The following PTPRD variants were observed in gnomAD, a reference collection of about 807,000 sequenced individuals.
PTPRD encodes the protein protein tyrosine phosphatase receptor type D.
Under a neutral mutation model 214.5 loss-of-function variants are expected in PTPRD, and 34 were observed. The observed-to-expected ratio is 0.16, with a 90% confidence interval of 0.12 to 0.21. The LOEUF (loss-of-function observed/expected upper bound fraction) is 0.21. Ranked by LOEUF, PTPRD falls within the 10% of genes least tolerant of loss-of-function variation. PTPRD has a pLI of 1.00. For synonymous variants in PTPRD, 1,128 were observed against 845.7 expected (o/e 1.33, Z -5.79); for missense variants, 2,545 against 2,398.7 (o/e 1.06, Z -1.27).
At chr9:9,582,187 T>C (rs1257303217) in intron 7 of PTPRD, among the ~76,000 whole-genome samples, 1 of 152,150 alleles carries the variant, frequency 6.6e-6, no homozygotes, top group East Asian at 1.9e-4. Context: ...CATGACCACT[T>C]GGAATAAGAC....
intron 10 of PTPRD, among the ~76,000 whole-genome samples, chr9:9,152,351 C>T (rs937467619): frequency 2.0e-5 from 3 of 152,116 alleles, no homozygotes; most frequent in African/African-American, 7.2e-5. Flanking sequence ...GCCCTGTATA[C>T]CCAGGTAAAA....
intron 2 of PTPRD, among the ~76,000 whole-genome samples, chr9:10,437,334 C>G (rs2098726224): frequency 1.3e-5 from 2 of 151,824 alleles, no homozygotes; most frequent in Admixed American, 1.3e-4. Context: ...TATATTCAGA[C>G]TATTGCAAAT....
chr9:8,970,910 CAA>C (rs756624969), intron 11 of PTPRD, among the ~76,000 whole-genome samples: 69 of 7,184 alleles, frequency 9.6e-3, no homozygotes, highest in South Asian at 0.087. Context: ...CAAAACAAAA[CAA>C]AACAAAACAA....
chr9:8,770,038 T>C (rs141225097), intron 11 of PTPRD, among the ~76,000 whole-genome samples: 319 of 152,282 alleles, frequency 2.1e-3, no homozygotes, highest in Middle Eastern at 6.8e-3. Flanking sequence ...CCCAGCACTT[T>C]GGGAGGCCGA....
intron 8 of PTPRD, among the ~76,000 whole-genome samples, chr9:9,547,605 T>C (rs988426743): frequency 3.3e-5 from 5 of 152,092 alleles, no homozygotes; most frequent in Non-Finnish European, 5.9e-5. Context: ...TCATAGTTGC[T>C]TTAGTCTTGT....
At chr9:9,565,932 A>G (rs1392690828) in intron 8 of PTPRD, among the ~76,000 whole-genome samples, 3 of 151,984 alleles carry the variant, frequency 2.0e-5, no homozygotes, top group Admixed American at 6.6e-5. Flanking sequence ...TAGGGAATCT[A>G]TAATTTCATT....
chr9:10,593,489 T>C (rs2075979696), intron 2 of PTPRD, among the ~76,000 whole-genome samples: 1 of 152,060 alleles, frequency 6.6e-6, no homozygotes. Context: ...CTTCATTTCA[T>C]ATTAATAGAC....
At chr9:10,047,456 T>C (rs888208543) in intron 3 of PTPRD, among the ~76,000 whole-genome samples, 1 of 151,944 alleles carries the variant, frequency 6.6e-6, no homozygotes, top group East Asian at 1.9e-4. Context: ...TTTATTAGTT[T>C]GAATAAATAA....
intron 3 of PTPRD, among the ~76,000 whole-genome samples, chr9:10,274,166 G>A (rs2094558726): frequency 6.6e-6 from 1 of 152,048 alleles, no homozygotes; most frequent in Admixed American, 6.6e-5. Flanking sequence ...GGGAAAACAT[G>A]GAACAAAATT....
intron 14 of PTPRD, among the ~76,000 whole-genome samples, chr9:8,549,385 G>T (rs1158491204): frequency 6.6e-6 from 1 of 152,140 alleles, no homozygotes; most frequent in Non-Finnish European, 1.5e-5. Flanking sequence ...GAAAGGTCAA[G>T]ATTTGTGTTT....
At chr9:9,176,329 G>A (rs1246030457) in intron 10 of PTPRD, among the ~76,000 whole-genome samples, 1 of 152,136 alleles carries the variant, frequency 6.6e-6, no homozygotes, top group East Asian at 1.9e-4. Context: ...TGACCATTAA[G>A]GTCACTCTCA....
intron 3 of PTPRD, among the ~76,000 whole-genome samples, chr9:10,238,484 G>C (rs1209367497): frequency 6.6e-6 from 1 of 151,782 alleles, no homozygotes; most frequent in Non-Finnish European, 1.5e-5. Flanking sequence ...AGATCATCCA[G>C]CCTGTGTATA....
chr9:10,497,582 G>GAATATTCT (rs2042442049), intron 2 of PTPRD, among the ~76,000 whole-genome samples: 1 of 151,914 alleles, frequency 6.6e-6, no homozygotes, highest in South Asian at 2.1e-4. Flanking sequence ...TTAGTTTTTA[G>GAATATTCT]AATATTCTTT....
intron 5 of PTPRD, among the ~76,000 whole-genome samples, chr9:9,819,214 G>A (rs772246587): frequency 1.3e-5 from 2 of 152,154 alleles, no homozygotes; most frequent in African/African-American, 4.8e-5. Context: ...ATGTGAGGAA[G>A]TGTCTTCATT....
At chr9:8,763,768 CT>C (rs2094546285) in intron 11 of PTPRD, among the ~76,000 whole-genome samples, 1 of 151,672 alleles carries the variant, frequency 6.6e-6, no homozygotes, top group Non-Finnish European at 1.5e-5. Context: ...TAAGTTACCC[CT>C]CTCTTATATC....
At chr9:8,538,133 C>T (rs2077405007) in intron 14 of PTPRD, among the ~76,000 whole-genome samples, 2 of 151,988 alleles carry the variant, frequency 1.3e-5, no homozygotes, top group African/African-American at 4.8e-5. Flanking sequence ...CATCCACTTT[C>T]ACAAATCTCA....
chr9:10,143,751 C>A (rs1314250094), intron 3 of PTPRD, among the ~76,000 whole-genome samples: 2 of 152,028 alleles, frequency 1.3e-5, no homozygotes, highest in East Asian at 1.9e-4. Context: ...ATGTCCTTTG[C>A]AGCAACATGG....
At chr9:9,158,897 G>T (rs2099883741) in intron 10 of PTPRD, among the ~76,000 whole-genome samples, 1 of 152,136 alleles carries the variant, frequency 6.6e-6, no homozygotes, top group African/African-American at 2.4e-5. Flanking sequence ...CGCAAGTATG[G>T]TTCAACATAA....
intron 2 of PTPRD, among the ~76,000 whole-genome samples, chr9:10,511,943 TATACGTGTGTGTATATATATATAC>T (rs2048259485): frequency 1.7e-5 from 1 of 60,328 alleles, no homozygotes; most frequent in Non-Finnish European, 3.7e-5. Context: ...TGTATATATA[TATACGTGTGTGTATATATATATAC>T]GTGTGTGTGT....
Sources: gnomAD v4.1 joint callset for allele counts (sites outside exome capture counted in the v4.1 genomes callset) on GRCh38, gnomAD v4.1.1 for gene constraint, MANE v1.5 for transcripts, NCBI Gene and HGNC (gene_info 2026-07-23, HGNC 2026-07-21) for gene names.